Variants in ZFX observed in about 807,000 individuals in gnomAD.
ZFX encodes zinc finger X-chromosomal protein.
For missense variants in ZFX, 362 were observed against 628.3 expected (o/e 0.58, Z 4.53); for synonymous variants, 196 against 226.8 (o/e 0.86, Z 1.22).
In ZFX at chrX:24,211,133, A is replaced by G. The variant is rs1476122341; in HGVS notation, c.2175A>G (p.Arg725=). ...TTCCATTTAGGTGCAAGAGATGTAGAAAGGGATTTAGGCAACAGAGTGAGC... is the reference window on the plus strand; with the variant it reads ...TTCCATTTAGGTGCAAGAGATGTAGGAAGGGATTTAGGCAACAGAGTGAGC... ...KDLPFRCKRC[R]KGFRQQSELK... The change falls in exon 10 of 10, where the codon AGA becomes AGG. Residue 725 remains arginine, a synonymous_variant. Coordinates refer to ENST00000304543, the MANE Select transcript of ZFX (RefSeq NM_003410.4). The G allele has an allele frequency of 1.6e-6, 2 of 1,212,350 alleles. No individual in the cohort carries two copies. The highest frequency in any genetic ancestry group is 2.2e-6 in the Non-Finnish European group (2 of 895,687).
rs145687157 is a variant in ZFX at position 24,196,585 on chromosome X, C to T, written c.647-10741C>T. Among the ~76,000 whole-genome samples the T allele has an allele frequency of 6.9e-3, 772 of 111,411 alleles. 9 individuals carry two copies. Among genetic ancestry groups the T allele is most frequent in the African/African-American group, 0.024 (726 of 30,717 alleles). ...AGAAATTTTAATTGTCTCCTTTCCC[C>T]CTTGTATTACCTTTTTTTTTCTTTT... On this transcript the variant is annotated intron_variant, in intron 5 of 9. Coordinates refer to ENST00000304543, the MANE Select transcript of ZFX (RefSeq NM_003410.4).
chrX:24,167,714 A>G (rs1418585146), intron 3 of ZFX, among the ~76,000 whole-genome samples: 1 of 112,487 alleles, frequency 8.9e-6, no homozygotes, highest in Non-Finnish European at 1.9e-5. Flanking sequence ...CTGAGAGTGT[A>G]GTAGAAAGAC....
chrX:24,193,732 A>C (rs968206091), intron 5 of ZFX, among the ~76,000 whole-genome samples: 1 of 112,150 alleles, frequency 8.9e-6, no homozygotes, highest in Non-Finnish European at 1.9e-5. Flanking sequence ...AGGGATGTTT[A>C]AAAAAGGAGA....
At chrX:24,183,240 A>G (rs374252552) in intron 5 of ZFX, among the ~76,000 whole-genome samples, 16 of 111,910 alleles carry the variant, frequency 1.4e-4, no homozygotes, top group Admixed American at 1.1e-3. Context: ...GCTGGAGTGC[A>G]ATGGCGCCAT....
chrX:24,174,443 G>T (rs1296104918), intron 4 of ZFX, among the ~76,000 whole-genome samples: 4 of 104,164 alleles, frequency 3.8e-5, no homozygotes, highest in Non-Finnish European at 7.9e-5. Flanking sequence ...CACCAGGCTG[G>T]AGTGCAGTGG....
intron 5 of ZFX, among the ~76,000 whole-genome samples, chrX:24,190,813 T>C (rs192862010): frequency 1.8e-5 from 2 of 112,649 alleles, no homozygotes; most frequent in African/African-American, 6.4e-5. Context: ...GGATACCAGC[T>C]CTGCTACTCA....
intron 4 of ZFX, chrX:24,177,866 G>A: frequency 2.3e-5 from 17 of 749,524 alleles, no homozygotes; most frequent in Non-Finnish European, 2.7e-5. Flanking sequence ...GGAGCAAAAA[G>A]GTAAAACACA....
chrX:24,167,257 A>G (rs1934084771), intron 3 of ZFX, among the ~76,000 whole-genome samples: 1 of 111,800 alleles, frequency 8.9e-6, no homozygotes. Context: ...GGCTGGTTAC[A>G]TGGCTCCTTT....
chrX:24,163,364 G>GTTTTTTTTTTTTT lies in ZFX; in HGVS notation c.-28-9332_-28-9320dup. On this transcript the variant is annotated intron_variant, in intron 3 of 9. Coordinates refer to ENST00000304543, the MANE Select transcript of ZFX (RefSeq NM_003410.4). ...AATTTGGTTAAATTATTTTTGTTAG[G>GTTTTTTTTTTTTT]TTTTTTTTTTTTTTTTTTTTTTTTT... Among the ~76,000 whole-genome samples, 2 of 19,049 alleles carry GTTTTTTTTTTTTT rather than the reference G, an allele frequency of 1.0e-4. 1 individual carries two copies. The allele number at this position is 19,049 out of a possible 115,157, so 16.5% of individuals were successfully genotyped here.
At chrX:24,186,459 C>T (rs1427399958) in intron 5 of ZFX, among the ~76,000 whole-genome samples, 1 of 109,816 alleles carries the variant, frequency 9.1e-6, no homozygotes, top group Admixed American at 9.8e-5. Flanking sequence ...CTCCCCACAA[C>T]CCCCCAAAAA....
chrX:24,187,529 A>AT (rs1936221417), intron 5 of ZFX, among the ~76,000 whole-genome samples: 1 of 111,708 alleles, frequency 9.0e-6, no homozygotes, highest in Non-Finnish European at 1.9e-5. Flanking sequence ...CATTTTTTTT[A>AT]TTTAACTCAT....
chrX:24,173,549 A>T (rs1934833281), intron 4 of ZFX: 1 of 1,120,546 alleles, frequency 8.9e-7, no homozygotes, highest in Admixed American at 3.1e-5. Flanking sequence ...ACCCATGGTT[A>T]TAATTATATA....
intron 5 of ZFX, among the ~76,000 whole-genome samples, chrX:24,193,325 G>A (rs1936667595): frequency 8.9e-6 from 1 of 112,203 alleles, no homozygotes; most frequent in Non-Finnish European, 1.9e-5. Context: ...CTTAGTGAAA[G>A]AAGCCAGGCG....
chrX:24,168,604 G>A (rs896507547), intron 3 of ZFX, among the ~76,000 whole-genome samples: 1 of 106,766 alleles, frequency 9.4e-6, no homozygotes, highest in Non-Finnish European at 1.9e-5. Flanking sequence ...GGACATTTTT[G>A]TGAATTTCCT....
In ZFX at chrX:24,215,865, T is replaced by TG. The variant is rs1938436349; in HGVS notation, c.*4489_*4490insG. 9.0e-6 allele frequency: 1 copy of TG among 110,567 alleles called. No homozygotes were observed. The highest frequency in any genetic ancestry group is 1.9e-5 in the Non-Finnish European group (1 of 52,857). 9.1% of individuals were successfully genotyped at this position (110,567 alleles called of 1,213,427 possible). A position where few individuals can be genotyped will look rare whatever the true frequency, so the allele number is the denominator to read the frequency against. Reference sequence around the variant, plus strand: ...AAGATTGTGTGTGTGTGTGTGTGTGTTTAATTGGCCCAGGGTTACTTAAAT... The same window carrying TG: ...AAGATTGTGTGTGTGTGTGTGTGTGTGTTAATTGGCCCAGGGTTACTTAAAT... On this transcript the variant is annotated 3_prime_UTR_variant, in exon 10 of 10. Transcript: ENST00000304543.
intron 4 of ZFX, among the ~76,000 whole-genome samples, chrX:24,174,044 C>T (rs1307802467): frequency 9.1e-6 from 1 of 109,455 alleles, no homozygotes; most frequent in East Asian, 2.9e-4. Flanking sequence ...AACCCCGTCT[C>T]TACTAAAAAT....
chrX:24,159,135 C>T (rs1339229836), intron 3 of ZFX, among the ~76,000 whole-genome samples: 2 of 110,885 alleles, frequency 1.8e-5, no homozygotes, highest in Admixed American at 9.6e-5. Context: ...GGACCATAGG[C>T]ATGTGCCACC....
At chrX:24,203,234 C>T (rs1937415766) in intron 5 of ZFX, among the ~76,000 whole-genome samples, 1 of 112,152 alleles carries the variant, frequency 8.9e-6, no homozygotes, top group African/African-American at 3.2e-5. Flanking sequence ...ATCCAGCCCA[C>T]TCCGCCAGTT....
Position 24,208,348 on chromosome X carries a change from G to C in ZFX, c.1071G>C (p.Pro357=). 8.3e-7 allele frequency: 1 copy of C among 1,210,075 alleles called. No homozygotes were observed. The change falls in exon 8 of 10, where the codon CCG becomes CCC. Residue 357 remains proline, a synonymous_variant. Coordinates refer to ENST00000304543, the MANE Select transcript of ZFX (RefSeq NM_003410.4). ...ACAATGAAATCAAAACCTTCATGCC[G>C]ATTGCATGGGCAGCAGCTTATGGTA... ...MDDNEIKTFM[P]IAWAAAYGNN... is the part of the protein sequence containing the mutation.
Sources: allele counts gnomAD v4.1 joint callset (sites outside exome capture counted in the v4.1 genomes callset), GRCh38; gene constraint gnomAD v4.1.1; transcripts MANE v1.5; gene names NCBI Gene and HGNC (gene_info 2026-07-23, HGNC 2026-07-21).